Variants in TAF1A observed in about 807,000 individuals in gnomAD.
TAF1A encodes the protein TATA box-binding protein-associated factor RNA polymerase I subunit A.
In TAF1A, 42 loss-of-function variants were observed where a neutral mutation model predicts 61.6. The observed-to-expected ratio is 0.68, with a 90% CI of 0.53 to 0.88. TAF1A has a LOEUF of 0.88. Among genes scored for constraint, TAF1A ranks in the 40% least tolerant of loss-of-function variants. The pLI, the probability that TAF1A is intolerant of heterozygous loss-of-function variation, is 0.00. For synonymous variants in TAF1A, 179 were observed against 177.7 expected, an observed-to-expected ratio of 1.01 and a Z score of -0.06; for missense variants, 424 against 518.7, an observed-to-expected ratio of 0.82 and a Z score of 1.77.
intron 7 of TAF1A, among the ~76,000 whole-genome samples, chr1:222,567,201 G>A (rs536155577): frequency 5.3e-5 from 8 of 152,082 alleles, no homozygotes; most frequent in Non-Finnish European, 1.2e-4. Flanking sequence ...AGACACAAAA[G>A]GACAAATGTT....
chr1:222,577,668 G>T, intron 4 of TAF1A, 25 bp from the exon 5 acceptor site: 1 of 1,591,050 alleles, frequency 6.3e-7, no homozygotes. Context: ...AGGGTACACC[G>T]CCATTTAAGC....
intron 5 of TAF1A, among the ~76,000 whole-genome samples, chr1:222,575,717 T>C (rs191355159): frequency 4.1e-4 from 62 of 152,214 alleles, no homozygotes; most frequent in Non-Finnish European, 7.4e-4. Flanking sequence ...AGTCCTAACT[T>C]TTTTTCTCGT....
chr1:222,574,276 A>G (rs879874101), intron 5 of TAF1A, among the ~76,000 whole-genome samples: 5 of 152,218 alleles, frequency 3.3e-5, no homozygotes, highest in Non-Finnish European at 4.4e-5. Flanking sequence ...AATTCTCAAT[A>G]AAGCTATAAA....
rs1660027065 is a variant in TAF1A, at chr1:222,564,178, A to C, written c.895-53T>G. The C allele has an allele frequency of 4.2e-6, 5 of 1,180,670 alleles. No individual in the cohort carries two copies. The East Asian group carries it at 7.6e-5, about 18-fold the overall frequency. The allele number at this position is 1,180,670 out of a possible 1,614,324, so 73.1% of individuals were successfully genotyped here. ...TTACATACTTGTAAAAGCATTTCTC[A>C]AATTTCAGCTTACTTTCAAAATAAA... On this transcript the variant is annotated intron_variant, in intron 7 of 10. Transcript: ENST00000352967.
intron 2 of TAF1A, among the ~76,000 whole-genome samples, chr1:222,587,626 T>G: frequency 6.6e-6 from 1 of 152,180 alleles, no homozygotes; most frequent in East Asian, 1.9e-4. Flanking sequence ...TATACTTATA[T>G]TAAATATATT....
chr1:222,566,263 C>T (rs565491627), intron 7 of TAF1A, among the ~76,000 whole-genome samples: 5 of 152,244 alleles, frequency 3.3e-5, no homozygotes, highest in African/African-American at 1.2e-4. Flanking sequence ...ACCAAAACCA[C>T]ACTGAGACAC....
intron 7 of TAF1A, chr1:222,569,073 C>A: frequency 4.7e-6 from 1 of 212,004 alleles, no homozygotes. Context: ...TGTCTGGGGC[C>A]ATGGTTGTGG....
chr1:222,563,915 A>C (rs36120978), intron 8 of TAF1A, 144 bp downstream of exon 8: 1 of 599,320 alleles, frequency 1.7e-6, no homozygotes, highest in Non-Finnish European at 3.0e-6. Context: ...GCAGCCGCAG[A>C]CAATACAGAA....
chr1:222,585,464 A>G (rs1277895976), intron 2 of TAF1A, among the ~76,000 whole-genome samples: 1 of 151,624 alleles, frequency 6.6e-6, no homozygotes. Context: ...TTAAAAAAAA[A>G]AAAAAAAGAG....
chr1:222,577,730 G>A, intron 4 of TAF1A, 87 bp from the exon 5 acceptor site: 1 of 1,200,222 alleles, frequency 8.3e-7, no homozygotes, highest in Middle Eastern at 1.9e-4. Flanking sequence ...TACATGCTGG[G>A]CAAAGACCTT....
At chr1:222,571,720 T>C (rs760877785) in intron 5 of TAF1A, among the ~76,000 whole-genome samples, 185 of 152,260 alleles carry the variant, frequency 1.2e-3, no homozygotes, top group Non-Finnish European at 2.2e-3. Flanking sequence ...AAAAAATTTT[T>C]TAAGACCTAA....
At position 222,558,437 on chromosome 1, in the gene TAF1A, T is replaced by C. The variant is rs1659786208; in HGVS notation, c.*223A>G. 4.5e-6 allele frequency: 1 copy of C among 223,618 alleles called. No homozygotes were observed. Among genetic ancestry groups the C allele is most frequent in the African/African-American group, 2.3e-5 (1 of 44,226 alleles). The allele number at this position is 223,618 out of a possible 1,614,324, so 13.9% of individuals were successfully genotyped here. On this transcript the variant is annotated 3_prime_UTR_variant, in exon 11 of 11. Transcript: ENST00000352967. ...ATTTGAAGAATTATTCCTTAACAAA[T>C]GTAACATTTAACATTACAAAAAAGA...
chr1:222,558,873 T>G, intron 10 of TAF1A, 101 bp from the exon 11 acceptor site: 1 of 493,844 alleles, frequency 2.0e-6, no homozygotes, highest in Non-Finnish European at 3.6e-6. Context: ...ACACTAATGA[T>G]TATGAAAATA....
At chr1:222,573,956 A>ATT (rs1233714693) in intron 5 of TAF1A, among the ~76,000 whole-genome samples, 1 of 147,686 alleles carries the variant, frequency 6.8e-6, no homozygotes, top group East Asian at 2.0e-4. Context: ...CATTAAAAAC[A>ATT]TTATGCTTTC....
chr1:222,570,627 C>T lies in TAF1A; in HGVS notation c.643G>A (p.Val215Met), dbSNP rs1285014132. 1 of 1,612,180 alleles carries T rather than the reference C, an allele frequency of 6.2e-7. No individual in the cohort carries two copies. Among genetic ancestry groups the T allele is most frequent in the Admixed American group, 1.7e-5 (1 of 59,998 alleles). ...GATGTCTTCCAGCTGTGGTTGAACA[C>T]ATCCTGGGCTACTGCATTGTAAGCA... ...DYAYNAVAQDVFNHSWKTSAN... is the reference protein window; with the variant it reads ...DYAYNAVAQDMFNHSWKTSAN... The change falls in exon 6 of 11, where the codon GTG becomes ATG. Residue 215 changes from valine to methionine, a missense_variant. Transcript: ENST00000352967.
intron 3 of TAF1A, among the ~76,000 whole-genome samples, chr1:222,583,518 G>A (rs1009345346): frequency 2.6e-5 from 4 of 152,070 alleles, no homozygotes; most frequent in Non-Finnish European, 4.4e-5. Flanking sequence ...TATAGTCTAT[G>A]GGGGAAGTTT....
At chr1:222,572,004 G>A (rs1266814674) in intron 5 of TAF1A, among the ~76,000 whole-genome samples, 1 of 152,120 alleles carries the variant, frequency 6.6e-6, no homozygotes, top group Non-Finnish European at 1.5e-5. Context: ...ATCACCTGAG[G>A]TCAGGAGTTC....
At chr1:222,579,257 G>T (rs766376639) in intron 4 of TAF1A, among the ~76,000 whole-genome samples, 22 of 152,144 alleles carry the variant, frequency 1.4e-4, no homozygotes, top group Non-Finnish European at 2.5e-4. Context: ...AGTGCTCTTT[G>T]AGACAAAAAC....
At chr1:222,583,816 C>T (rs1241195307) in intron 3 of TAF1A, among the ~76,000 whole-genome samples, 1 of 142,102 alleles carries the variant, frequency 7.0e-6, no homozygotes, top group African/African-American at 2.7e-5. Flanking sequence ...TCCAGCCTGG[C>T]GACAGAGCAA....
Sources: gnomAD v4.1 joint callset for allele counts (sites outside exome capture counted in the v4.1 genomes callset) on GRCh38, gnomAD v4.1.1 for gene constraint, MANE v1.5 for transcripts, NCBI Gene and HGNC (gene_info 2026-07-23, HGNC 2026-07-21) for gene names.